The following TPRX2 variants were observed in gnomAD, a reference collection of about 807,000 sequenced individuals.
TPRX2 encodes the protein tetrapeptide repeat homeobox protein 2.
At chr19:47,860,502 G>C in the TPRX2 span, among the ~76,000 whole-genome samples, 1 of 151,264 alleles carries the variant, frequency 6.6e-6, no homozygotes, top group Non-Finnish European at 1.5e-5. Flanking sequence ...GGGGTCTCCC[G>C]GTGCCCGGAC....
At chr19:47,860,960 C>A in the TPRX2 span, 2 of 1,420,432 alleles carry the variant, frequency 1.4e-6, no homozygotes, top group Non-Finnish European at 1.9e-6. Flanking sequence ...TCCCGCAGGG[C>A]AGGGGTTCCT....
At chr19:47,860,995 G>A in the TPRX2 span, 1 of 1,161,500 alleles carries the variant, frequency 8.6e-7, no homozygotes, top group East Asian at 2.6e-5. Context: ...CCGGGCCCCT[G>A]GGGAGTCCTC....
At chr19:47,859,768 G>A in the TPRX2 span, among the ~76,000 whole-genome samples, 254 of 150,590 alleles carry the variant, frequency 1.7e-3, 1 homozygote, top group African/African-American at 5.9e-3. Context: ...GCAGAGGACT[G>A]GGCAGGTGGC....
chr19:47,859,506 G>A, the TPRX2 span, among the ~76,000 whole-genome samples: 1 of 150,068 alleles, frequency 6.7e-6, no homozygotes, highest in Non-Finnish European at 1.5e-5. Flanking sequence ...TTGAGCCCGG[G>A]ACTCTGAAAC....
the TPRX2 span, chr19:47,860,887 G>A: frequency 1.3e-6 from 2 of 1,532,096 alleles, no homozygotes; most frequent in Non-Finnish European, 1.7e-6. Flanking sequence ...CAGAGAGGCC[G>A]AGGAGCCCGC....
chr19:47,860,739 C>A, the TPRX2 span: 1 of 1,482,130 alleles, frequency 6.7e-7, no homozygotes. Flanking sequence ...CGCCCCCGAG[C>A]GGCTCACCCG....
chr19:47,860,831 A>G, the TPRX2 span: 1 of 1,535,624 alleles, frequency 6.5e-7, no homozygotes, highest in South Asian at 1.2e-5. Context: ...GCGCCAAACT[A>G]GCTCGGGAGC....
the TPRX2 span, chr19:47,861,100 G>A: frequency 2.8e-6 from 2 of 710,368 alleles, no homozygotes; most frequent in Non-Finnish European, 5.1e-6. Context: ...CCGGCTCCAG[G>A]CCCTGGCCCA....
At chr19:47,860,669 G>C in the TPRX2 span, 5 of 979,808 alleles carry the variant, frequency 5.1e-6, no homozygotes, top group African/African-American at 6.6e-5. Context: ...GGGAGCCGGG[G>C]GCCCTCATAT....
At chr19:47,861,327 C>T in the TPRX2 span, 1 of 475,980 alleles carries the variant, frequency 2.1e-6, no homozygotes, top group South Asian at 1.5e-5. Flanking sequence ...CGCCTTGTGG[C>T]CTCAGAGCCC....
the TPRX2 span, chr19:47,861,292 G>A: frequency 2.0e-5 from 10 of 493,440 alleles, no homozygotes; most frequent in Non-Finnish European, 3.6e-5. Flanking sequence ...CCAGGCCCAG[G>A]ATCACTCCCA....
the TPRX2 span, among the ~76,000 whole-genome samples, chr19:47,859,255 C>G: frequency 6.6e-6 from 1 of 151,138 alleles, no homozygotes; most frequent in African/African-American, 2.4e-5. Context: ...GGATGCAAGA[C>G]CCTGGTCATC....
At chr19:47,860,921 C>G in the TPRX2 span, 1 of 1,524,588 alleles carries the variant, frequency 6.6e-7, no homozygotes, top group Non-Finnish European at 8.8e-7. Context: ...TCCCTGTAGC[C>G]GCTGCCTCCT....
the TPRX2 span, chr19:47,861,347 C>T: frequency 2.1e-6 from 1 of 472,886 alleles, no homozygotes. Flanking sequence ...CCTATGCCTC[C>T]AACTTGTCGC....
chr19:47,861,436 C>A, the TPRX2 span: 1 of 714,162 alleles, frequency 1.4e-6, no homozygotes, highest in Non-Finnish European at 2.2e-6. Context: ...CTCTCCACCA[C>A]GACGTCTCAG....
At chr19:47,861,206 G>C in the TPRX2 span, 1 of 616,306 alleles carries the variant, frequency 1.6e-6, no homozygotes. Flanking sequence ...TGTCAGTCTC[G>C]ATCCCCGGTC....
the TPRX2 span, among the ~76,000 whole-genome samples, chr19:47,860,502 G>A: frequency 6.6e-6 from 1 of 151,370 alleles, no homozygotes; most frequent in Admixed American, 6.6e-5. Flanking sequence ...GGGGTCTCCC[G>A]GTGCCCGGAC....
the TPRX2 span, chr19:47,861,283 C>T: frequency 2.0e-6 from 1 of 498,306 alleles, no homozygotes; most frequent in Non-Finnish European, 3.9e-6. Context: ...ACCCTGATGC[C>T]AGGCCCAGGA....
chr19:47,860,979 C>G, the TPRX2 span: 2 of 1,296,362 alleles, frequency 1.5e-6, no homozygotes, highest in East Asian at 2.5e-5. Flanking sequence ...CTGGATCTCC[C>G]CTCAGCCGGG....
Sources: allele counts gnomAD v4.1 joint callset (sites outside exome capture counted in the v4.1 genomes callset), GRCh38; gene constraint gnomAD v4.1.1; transcripts MANE v1.5; gene names NCBI Gene and HGNC (gene_info 2026-07-23, HGNC 2026-07-21).